Variants in PRR5L observed in about 807,000 individuals in gnomAD.
The protein encoded by PRR5L is proline-rich protein 5-like.
A neutral mutation model predicts 36.4 loss-of-function variants in PRR5L; 21 were observed. That is an observed-to-expected ratio of 0.58 (90% CI 0.41 to 0.83). PRR5L has a LOEUF of 0.83. Among genes scored for constraint, PRR5L ranks in the 40% least tolerant of loss-of-function variants. PRR5L has a pLI of 0.00. For missense variants in PRR5L, 381 were observed against 473.3 expected (o/e 0.80, Z 1.81); for synonymous variants, 188 against 197.0 (o/e 0.95, Z 0.38).
At chr11:36,364,347 A>G (rs775095063) in intron 1 of PRR5L, among the ~76,000 whole-genome samples, 17 of 152,160 alleles carry the variant, frequency 1.1e-4, no homozygotes, top group Non-Finnish European at 2.1e-4. Context: ...GAGGTCTGTC[A>G]TTAGATAGAG....
chr11:36,357,256 G>A (rs541787356), intron 1 of PRR5L, among the ~76,000 whole-genome samples: 2 of 152,194 alleles, frequency 1.3e-5, no homozygotes, highest in Non-Finnish European at 2.9e-5. Context: ...GCTACAGGAG[G>A]TTGGTTCATG....
intron 8 of PRR5L, among the ~76,000 whole-genome samples, chr11:36,457,665 G>C (rs1216733439): frequency 2.0e-5 from 3 of 151,706 alleles, no homozygotes; most frequent in African/African-American, 7.3e-5. Flanking sequence ...AGCAACATTA[G>C]AAATAATGTC....
rs367800256 is a variant in PRR5L, at chr11:36,378,175, A to G, written c.-125-22822A>G. Among the ~76,000 whole-genome samples, 10 of 152,316 alleles carry G rather than the reference A, an allele frequency of 6.6e-5. 1 individual carries two copies. The East Asian group carries it at 1.7e-3, about 26-fold the overall frequency. On this transcript the variant is annotated intron_variant, in intron 1 of 8. Coordinates refer to ENST00000530639, the MANE Select transcript of PRR5L (RefSeq NM_001160167.2). ...TGGGGTGGAAGGCGCTGTTACTGAC[A>G]ACACGAAGCAGCTAGCGGGTCAGGA...
At chr11:36,381,454 G>A (rs1387003029) in intron 1 of PRR5L, among the ~76,000 whole-genome samples, 2 of 149,478 alleles carry the variant, frequency 1.3e-5, no homozygotes, top group African/African-American at 2.5e-5. Context: ...GTAGGGGTGG[G>A]TGGGGAGGGG....
intron 3 of PRR5L, among the ~76,000 whole-genome samples, chr11:36,416,823 A>AGGAGG (rs3083251): frequency 0.84 from 127,368 of 151,328 alleles, 54,478 homozygotes; most frequent in Admixed American, 0.91. Flanking sequence ...CCTCCCTGAT[A>AGGAGG]GGAGGGGAGG....
At chr11:36,432,557 C>G (rs1286932902) in intron 5 of PRR5L, among the ~76,000 whole-genome samples, 1 of 152,186 alleles carries the variant, frequency 6.6e-6, no homozygotes, top group Non-Finnish European at 1.5e-5. Context: ...TTGATCTTAG[C>G]TTGCCACCTC....
At position 36,418,728 on chromosome 11, in the gene PRR5L, G is replaced by A. The variant is rs1453623530; in HGVS notation, c.246-527G>A. On this transcript the variant is annotated intron_variant, in intron 3 of 8. Transcript: ENST00000530639. ...GGAGAATTGCATGAACCCAGGAGGC[G>A]GAGCTTGCAGTGAGCCAAGATTGCG... Among the ~76,000 whole-genome samples, 6 of 152,074 alleles carry A rather than the reference G, an allele frequency of 3.9e-5. No individual in the cohort carries two copies. The East Asian group carries it at 7.8e-4, about 20-fold the overall frequency.
intron 1 of PRR5L, among the ~76,000 whole-genome samples, chr11:36,311,016 A>G (rs1275844071): frequency 2.0e-5 from 3 of 150,474 alleles, no homozygotes; most frequent in Non-Finnish European, 4.4e-5. Flanking sequence ...AAAAAAAAAA[A>G]GAATGTTCCC....
intron 4 of PRR5L, among the ~76,000 whole-genome samples, chr11:36,420,322 G>C (rs1858236807): frequency 2.0e-5 from 3 of 152,216 alleles, no homozygotes; most frequent in African/African-American, 7.2e-5. Context: ...TCTGTACGTA[G>C]TGTGTAGGGG....
chr11:36,421,354 T>C (rs1858261878), intron 4 of PRR5L, among the ~76,000 whole-genome samples: 1 of 152,212 alleles, frequency 6.6e-6, no homozygotes, highest in South Asian at 2.1e-4. Context: ...TTACGAAGCA[T>C]GCCAGATGCT....
Position 36,462,323 on chromosome 11 carries a change from G to T in PRR5L, c.713-19G>T, listed in dbSNP as rs750644888. The T allele has an allele frequency of 1.1e-5, 17 of 1,491,000 alleles. No individual in the cohort carries two copies. The Middle Eastern group carries it at 1.3e-3, about 112-fold the overall frequency. 92.4% of individuals were successfully genotyped at this position (1,491,000 alleles called of 1,614,324 possible). On this transcript the variant is annotated intron_variant, in intron 8 of 8. Coordinates refer to ENST00000530639, the MANE Select transcript of PRR5L (RefSeq NM_001160167.2). ...TACCCCCTCCCCAATAACAGTCTTT[G>T]CTGATTTTTCTCTTGCAGCCAGGCG... is the stretch of plus-strand genomic sequence containing the variant.
chr11:36,334,994 GC>G, intron 1 of PRR5L, among the ~76,000 whole-genome samples: 1 of 152,098 alleles, frequency 6.6e-6, no homozygotes, highest in Admixed American at 6.6e-5. Context: ...GTTAGGTATT[GC>G]TTTTGAAATG....
chr11:36,356,092 TG>T lies in PRR5L; in HGVS notation c.-125-44904del, dbSNP rs1227182299. 2.7e-5 allele frequency among the ~76,000 whole-genome samples: 4 copies of T among 148,862 alleles called. No homozygotes were observed. The East Asian group carries it at 8.1e-4, about 30-fold the overall frequency. On this transcript the variant is annotated intron_variant, in intron 1 of 8. Transcript: ENST00000530639. The stretch of plus-strand genomic sequence containing the variant: ...ATGCTCAGCTAATTTTTGTATTTTT[TG>T]TAGAGTCTAGGTTTCACCATGTTGC...
At chr11:36,322,322 T>A (rs956304264) in intron 1 of PRR5L, among the ~76,000 whole-genome samples, 3 of 152,330 alleles carry the variant, frequency 2.0e-5, no homozygotes, top group East Asian at 3.9e-4. Flanking sequence ...TCTACTTTTT[T>A]AAAGTATCTC....
chr11:36,338,250 G>C (rs1856786831), intron 1 of PRR5L, among the ~76,000 whole-genome samples: 1 of 152,152 alleles, frequency 6.6e-6, no homozygotes, highest in Non-Finnish European at 1.5e-5. Flanking sequence ...TTACTTACTT[G>C]CAGTTCTTAA....
At chr11:36,413,472 AG>A (rs1311986590) in intron 3 of PRR5L, among the ~76,000 whole-genome samples, 1 of 152,178 alleles carries the variant, frequency 6.6e-6, no homozygotes, top group Admixed American at 6.5e-5. Flanking sequence ...GTTTCTGAAT[AG>A]GATTGTTTTG....
At chr11:36,462,240 T>G in intron 8 of PRR5L, 102 bp from the exon 9 acceptor site, 1 of 1,199,438 alleles carries the variant, frequency 8.3e-7, no homozygotes, top group Non-Finnish European at 1.1e-6. Flanking sequence ...GAGCTGCTCC[T>G]AAAGGTTGAG....
chr11:36,442,324 T>G (rs1236052653), intron 6 of PRR5L, among the ~76,000 whole-genome samples: 1 of 149,098 alleles, frequency 6.7e-6, no homozygotes, highest in African/African-American at 2.5e-5. Context: ...ATGCCACATC[T>G]TGAATGCTTT....
At chr11:36,325,082 C>T (rs1041428345) in intron 1 of PRR5L, among the ~76,000 whole-genome samples, 6 of 152,160 alleles carry the variant, frequency 3.9e-5, no homozygotes, top group African/African-American at 1.2e-4. Flanking sequence ...TGTTCTCTGA[C>T]CTGGGGTTCT....
Sources: gnomAD v4.1 joint callset for allele counts (sites outside exome capture counted in the v4.1 genomes callset) on GRCh38, gnomAD v4.1.1 for gene constraint, MANE v1.5 for transcripts, NCBI Gene and HGNC (gene_info 2026-07-23, HGNC 2026-07-21) for gene names.